The following VAV3 variants were observed in gnomAD, a reference collection of about 807,000 sequenced individuals.
VAV3 encodes the protein vav guanine nucleotide exchange factor 3.
Under a neutral mutation model 131.2 loss-of-function variants are expected in VAV3, and 94 were observed. That is an observed-to-expected ratio of 0.72 (90% CI 0.61 to 0.85). The LOEUF (loss-of-function observed/expected upper bound fraction) is 0.85, where lower values mean the gene tolerates loss of function less well. Ranked by LOEUF, VAV3 falls within the 40% of genes least tolerant of loss-of-function variation. The pLI is 0.00. For synonymous variants in VAV3, 349 were observed against 342.0 expected (o/e 1.02, Z -0.22); for missense variants, 939 against 1,002.7 (o/e 0.94, Z 0.86).
At chr1:107,787,748 A>G (rs1264918987) in intron 2 of VAV3, among the ~76,000 whole-genome samples, 2 of 152,154 alleles carry the variant, frequency 1.3e-5, no homozygotes, top group African/African-American at 2.4e-5. Flanking sequence ...TTAAAAGTGG[A>G]TATTTTTCAG....
chr1:107,886,641 C>T (rs1161778951), intron 1 of VAV3, among the ~76,000 whole-genome samples: 2 of 152,094 alleles, frequency 1.3e-5, no homozygotes, highest in Non-Finnish European at 2.9e-5. Context: ...TCCAAAATAG[C>T]TTTCCTCTTC....
intron 9 of VAV3, among the ~76,000 whole-genome samples, chr1:107,762,874 A>G (rs1664519304): frequency 6.6e-6 from 1 of 152,218 alleles, no homozygotes; most frequent in African/African-American, 2.4e-5. Context: ...CTTCCAAAAC[A>G]TCCAGTCACT....
intron 1 of VAV3, among the ~76,000 whole-genome samples, chr1:107,880,263 T>C (rs1009941109): frequency 1.3e-5 from 2 of 151,848 alleles, no homozygotes; most frequent in African/African-American, 4.8e-5. Flanking sequence ...GAAGGAGTGG[T>C]TGGTGTTTAG....
chr1:107,908,006 C>T (rs1292613964), intron 1 of VAV3, among the ~76,000 whole-genome samples: 3 of 152,136 alleles, frequency 2.0e-5, no homozygotes, highest in Non-Finnish European at 4.4e-5. Context: ...AAGTAGCATA[C>T]GTGTGTTGAG....
chr1:107,776,387 G>A (rs1665358478), intron 4 of VAV3, among the ~76,000 whole-genome samples: 1 of 152,290 alleles, frequency 6.6e-6, no homozygotes, highest in African/African-American at 2.4e-5. Flanking sequence ...GGCAAATGCT[G>A]TAAAAACACA....
At chr1:107,630,098 G>C (rs1414840236) in intron 20 of VAV3, among the ~76,000 whole-genome samples, 3 of 152,052 alleles carry the variant, frequency 2.0e-5, no homozygotes, top group African/African-American at 7.2e-5. Flanking sequence ...TTTATCTATA[G>C]GTTTAACGCT....
rs769646523 is a variant in VAV3 at position 107,642,599 on chromosome 1, C to T, written c.1914+20G>A. The T allele has an allele frequency of 6.2e-7, 1 of 1,610,772 alleles. No homozygotes were observed. The highest frequency in any genetic ancestry group is 8.5e-7 in the Non-Finnish European group (1 of 1,179,028). On this transcript the variant is annotated intron_variant, in intron 20 of 26. Transcript: ENST00000370056. ...TCTCTTGGGGTCTGCATCAGGACCC[C>T]TTTCCTGCAACAACAGTACCTGCCA...
intron 2 of VAV3, among the ~76,000 whole-genome samples, chr1:107,825,228 A>T (rs1231092095): frequency 6.6e-6 from 1 of 152,180 alleles, no homozygotes; most frequent in Admixed American, 6.5e-5. Context: ...ATATGCAAAC[A>T]GGGGCTGCCA....
intron 2 of VAV3, among the ~76,000 whole-genome samples, chr1:107,829,570 A>G (rs1668157222): frequency 1.3e-5 from 2 of 152,178 alleles, no homozygotes; most frequent in African/African-American, 4.8e-5. Flanking sequence ...AGTCCTGTAC[A>G]GTATTTCCTG....
intron 17 of VAV3, among the ~76,000 whole-genome samples, chr1:107,703,321 C>T (rs914036936): frequency 3.9e-5 from 6 of 151,996 alleles, no homozygotes; most frequent in South Asian, 2.1e-4. Flanking sequence ...TCTGACTTTC[C>T]GACAGAAGTA....
intron 2 of VAV3, among the ~76,000 whole-genome samples, chr1:107,850,023 C>G (rs377458052): frequency 1.2e-4 from 19 of 152,092 alleles, no homozygotes; most frequent in East Asian, 1.9e-4. Context: ...CCATGAGATA[C>G]CATCTCATGC....
chr1:107,754,846 C>T (rs1263313216), intron 12 of VAV3, among the ~76,000 whole-genome samples: 1 of 152,164 alleles, frequency 6.6e-6, no homozygotes, highest in Admixed American at 6.5e-5. Flanking sequence ...TGGCTGGCTG[C>T]TTCTTATCTG....
At chr1:107,820,455 G>A (rs1354311140) in intron 2 of VAV3, among the ~76,000 whole-genome samples, 3 of 151,974 alleles carry the variant, frequency 2.0e-5, no homozygotes, top group Non-Finnish European at 4.4e-5. Context: ...AATGGTTACT[G>A]AGGCTAGGAA....
chr1:107,957,710 A>G (rs1052422631), intron 1 of VAV3, among the ~76,000 whole-genome samples: 2 of 152,174 alleles, frequency 1.3e-5, no homozygotes, highest in African/African-American at 4.8e-5. Context: ...GTGAGAGTAA[A>G]GGGAAGAGAG....
chr1:107,848,858 T>C (rs2100947093), intron 2 of VAV3, among the ~76,000 whole-genome samples: 1 of 152,322 alleles, frequency 6.6e-6, no homozygotes, highest in East Asian at 1.9e-4. Context: ...CTTAAGGTGA[T>C]AAGCAACTTT....
At chr1:107,845,635 G>A (rs970429591) in intron 2 of VAV3, among the ~76,000 whole-genome samples, 1 of 152,016 alleles carries the variant, frequency 6.6e-6, no homozygotes, top group Admixed American at 6.6e-5. Flanking sequence ...AACACAGCAC[G>A]AGAACTTCAT....
intron 20 of VAV3, among the ~76,000 whole-genome samples, chr1:107,621,569 T>C (rs549404336): frequency 3.3e-5 from 5 of 152,238 alleles, no homozygotes; most frequent in South Asian, 2.1e-4. Flanking sequence ...TCCAATGATT[T>C]AGTGCACTTT....
intron 2 of VAV3, among the ~76,000 whole-genome samples, chr1:107,822,785 A>C (rs1331015302): frequency 6.6e-6 from 1 of 152,226 alleles, no homozygotes; most frequent in African/African-American, 2.4e-5. Context: ...GAACTAAAAT[A>C]GTAGCAAAAG....
intron 1 of VAV3, among the ~76,000 whole-genome samples, chr1:107,896,625 C>G (rs1170195062): frequency 6.6e-6 from 1 of 152,140 alleles, no homozygotes; most frequent in Non-Finnish European, 1.5e-5. Flanking sequence ...ACCCAAGCCT[C>G]ATGTACTAAG....
Sources: gnomAD v4.1 joint callset for allele counts (sites outside exome capture counted in the v4.1 genomes callset) on GRCh38, gnomAD v4.1.1 for gene constraint, MANE v1.5 for transcripts, NCBI Gene and HGNC (gene_info 2026-07-23, HGNC 2026-07-21) for gene names.